Variants in MYCBPAP observed in about 807,000 individuals in gnomAD.
MYCBPAP encodes MYCBP associated protein, also known as MYCBP-associated protein.
A neutral mutation model predicts 106.1 loss-of-function variants in MYCBPAP; 60 were observed. The observed-to-expected ratio is 0.57, with a 90% CI of 0.46 to 0.70. MYCBPAP has a LOEUF of 0.70. MYCBPAP is among the 30% of genes least tolerant of loss of function. The pLI is 0.00. For missense variants in MYCBPAP, 1,064 were observed against 1,169.3 expected (o/e 0.91, Z 1.31); for synonymous variants, 407 against 440.6 (o/e 0.92, Z 0.95).
Position 50,528,789 on chromosome 17 carries a change from G to A in MYCBPAP, c.2502G>A (p.Leu834=), listed in dbSNP as rs1384849276. Residue 834 remains leucine (L), a synonymous_variant, in exon 17 of 19, where the codon CTG becomes CTA. Transcript: ENST00000323776. ...GAGCAGCCCAGGAAAAGAAGCAACT[G>A]GGGATCAAAGACAAAGAAGACAAGA... ...RKGAAQEKKQ[L]GIKDKEDKKG... is the part of the protein sequence containing the mutation. 1 of 1,614,098 alleles carries A rather than the reference G, an allele frequency of 6.2e-7. No individual in the cohort carries two copies. Among genetic ancestry groups the A allele is most frequent in the East Asian group, 2.2e-5 (1 of 44,876 alleles).
intron 4 of MYCBPAP, 117 bp from the exon 5 acceptor site, chr17:50,518,424 A>G: frequency 2.4e-6 from 2 of 844,574 alleles, no homozygotes; most frequent in Non-Finnish European, 1.8e-6. Context: ...AGTCCTGAAG[A>G]GGAGGGACTC....
intron 1 of MYCBPAP, among the ~76,000 whole-genome samples, chr17:50,514,642 C>G (rs1193293742): frequency 1.3e-5 from 2 of 151,956 alleles, no homozygotes; most frequent in African/African-American, 4.8e-5. Context: ...CATTCATACA[C>G]TCATCCTCAG....
intron 2 of MYCBPAP, 99 bp downstream of exon 2, chr17:50,516,796 G>A (rs998975934): frequency 1.5e-5 from 21 of 1,356,344 alleles, no homozygotes; most frequent in South Asian, 9.3e-5. Flanking sequence ...CATGGGGAGT[G>A]TCTAACTCCA....
Position 50,529,825 on chromosome 17 carries a change from G to GT in MYCBPAP, c.2724+638dup, listed in dbSNP as rs143906933. 1.2e-3 allele frequency: 552 copies of GT among 456,658 alleles called. 7 individuals carry two copies. The East Asian group carries it at 0.023, about 19-fold the overall frequency. 28.3% of individuals were successfully genotyped at this position (456,658 alleles called of 1,614,324 possible). On this transcript the variant is annotated intron_variant, in intron 18 of 18. Coordinates refer to ENST00000323776, the MANE Select transcript of MYCBPAP (RefSeq NM_032133.6). ...CATGCAGGGTGCATTCCCATCAACT[G>GT]TAAGAGTTTGAAGGACTAGAGAGAC...
At chr17:50,526,394 C>G in intron 14 of MYCBPAP, 127 bp downstream of exon 14, 1 of 754,204 alleles carries the variant, frequency 1.3e-6, no homozygotes, top group Non-Finnish European at 2.0e-6. Flanking sequence ...AGAAAGTGAT[C>G]TCTTGGGTTA....
At position 50,516,591 on chromosome 17, in the gene MYCBPAP, C is replaced by A. The variant is rs1597827111; in HGVS notation, c.98C>A (p.Pro33His). The A allele has an allele frequency of 6.2e-7, 1 of 1,614,102 alleles. No individual in the cohort carries two copies. The highest frequency in any genetic ancestry group is 8.5e-7 in the Non-Finnish European group (1 of 1,180,012). Reference sequence around the variant, plus strand: ...TCAGAAAAGAAGCGGGCAAAGGGACCTGAACAACCCACACCCACAATTCAG... The same window carrying A: ...TCAGAAAAGAAGCGGGCAAAGGGACATGAACAACCCACACCCACAATTCAG... Reference protein sequence around the residue: ...NVKEKKRAKGPEQPTPTIQEE... With the variant: ...NVKEKKRAKGHEQPTPTIQEE... Residue 33 changes from proline (P) to histidine (H), a missense_variant, in exon 2 of 19, where the codon CCT (proline) becomes CAT (histidine). Transcript: ENST00000323776.
chr17:50,526,766 A>G (rs913974794), intron 14 of MYCBPAP, among the ~76,000 whole-genome samples: 1 of 152,312 alleles, frequency 6.6e-6, no homozygotes, highest in East Asian at 1.9e-4. Context: ...GTATTTTTGT[A>G]GAGACGGGGT....
intron 1 of MYCBPAP, among the ~76,000 whole-genome samples, chr17:50,513,983 C>A (rs2033952505): frequency 6.6e-6 from 1 of 152,222 alleles, no homozygotes; most frequent in Non-Finnish European, 1.5e-5. Context: ...CAGATACTTC[C>A]AAACCTCTGC....
intron 10 of MYCBPAP, chr17:50,522,522 C>G (rs2034294548): frequency 6.4e-6 from 1 of 155,420 alleles, no homozygotes; most frequent in Admixed American, 6.2e-5. Context: ...ATGGTGAAAC[C>G]CCATCTCTAC....
intron 1 of MYCBPAP, 55 bp downstream of exon 1, chr17:50,508,805 C>T: frequency 6.7e-7 from 1 of 1,492,394 alleles, no homozygotes; most frequent in Non-Finnish European, 9.2e-7. Context: ...AAGCGGTCCC[C>T]GGAAAGAGTT....
upstream of MYCBPAP, chr17:50,508,435 C>A: frequency 9.4e-7 from 1 of 1,066,440 alleles, no homozygotes; most frequent in South Asian, 1.6e-5. Context: ...CAGGCCGGGC[C>A]CGCAGGGCTT....
upstream of MYCBPAP, chr17:50,508,257 G>T: frequency 3.3e-6 from 1 of 302,570 alleles, no homozygotes; most frequent in Non-Finnish European, 6.0e-6. Flanking sequence ...CCCGCCCCCC[G>T]TGGCCTAGCA....
At chr17:50,508,898 C>T in intron 1 of MYCBPAP, 148 bp downstream of exon 1, 1 of 795,848 alleles carries the variant, frequency 1.3e-6, no homozygotes, top group Non-Finnish European at 2.2e-6. Flanking sequence ...GCATAGGACC[C>T]TTAGGGATGG....
chr17:50,519,951 T>G, intron 7 of MYCBPAP, 164 bp downstream of exon 7: 1 of 708,918 alleles, frequency 1.4e-6, no homozygotes, highest in Non-Finnish European at 2.2e-6. Flanking sequence ...GAAGTCCGGC[T>G]CCCTCTTCTT....
At chr17:50,527,431 T>A (rs2034497878) in intron 15 of MYCBPAP, 23 bp downstream of exon 15, 1 of 1,613,024 alleles carries the variant, frequency 6.2e-7, no homozygotes, top group Non-Finnish European at 8.5e-7. Context: ...CCAGGAGAGC[T>A]GCCCCATCTC....
In MYCBPAP at chr17:50,521,205, G is replaced by A. The variant is rs1157821484; in HGVS notation, c.1012G>A (p.Glu338Lys). 1.2e-6 allele frequency: 2 copies of A among 1,613,084 alleles called. No individual in the cohort carries two copies. The highest frequency in any genetic ancestry group is 1.7e-5 in the Admixed American group (1 of 59,884). Residue 338 changes from glutamate to lysine, a missense_variant, in exon 8 of 19, where the codon GAG (glutamate) becomes AAG (lysine). Physicochemically the swap from Glu to Lys is moderately conservative, Grantham distance 56. Transcript: ENST00000323776. ...RRKELQRIME[E>K]LDFSQQDIDG... ...CAAGGAGCTGCAGAGAATCATGGAAGAGCTGGATTTCAGCCAGCAGGTTGG... is the reference window on the plus strand; with the variant it reads ...CAAGGAGCTGCAGAGAATCATGGAAAAGCTGGATTTCAGCCAGCAGGTTGG...
chr17:50,525,958 G>C lies in MYCBPAP; in HGVS notation c.1860G>C (p.Glu620Asp), dbSNP rs776163398. The C allele has an allele frequency of 6.2e-7, 1 of 1,613,796 alleles. No individual in the cohort carries two copies. The highest frequency in any genetic ancestry group is 1.7e-5 in the Admixed American group (1 of 60,018). Residue 620 changes from glutamate (E) to aspartate (D), a missense_variant, in exon 14 of 19, where the codon GAG becomes GAC. Physicochemically the swap from Glu to Asp is conservative, Grantham distance 45. Coordinates refer to ENST00000323776, the MANE Select transcript of MYCBPAP (RefSeq NM_032133.6). The part of the protein sequence containing the change: ...RQYMTLPAKA[E>D]EARPGDKEHV... ...ACATGACCCTGCCCGCCAAGGCTGA[G>C]GAGGCCAGGCCAGGGGACAAGGAGC...
In MYCBPAP at chr17:50,528,688, C is replaced by T; in HGVS notation, c.2408-7C>T. On this transcript the variant is annotated splice_polypyrimidine_tract_variant and splice_region_variant and intron_variant, in intron 16 of 18. Transcript: ENST00000323776. ...CTGCCATATTTTCTTCCACCCACCTCCCTTAGATCAAAAATCACCTCCTAT... is the reference window on the plus strand; with the variant it reads ...CTGCCATATTTTCTTCCACCCACCTTCCTTAGATCAAAAATCACCTCCTAT... 1 of 1,613,294 alleles carries T rather than the reference C, an allele frequency of 6.2e-7. No homozygotes were observed. The highest frequency in any genetic ancestry group is 8.5e-7 in the Non-Finnish European group (1 of 1,179,646).
At chr17:50,522,848 A>G in intron 10 of MYCBPAP, 91 bp from the exon 11 acceptor site, 1 of 1,345,290 alleles carries the variant, frequency 7.4e-7, no homozygotes, top group Non-Finnish European at 1.0e-6. Context: ...TTGCAGTGCT[A>G]AAGCCAGAAA....
Sources: gnomAD v4.1 joint callset for allele counts (sites outside exome capture counted in the v4.1 genomes callset) on GRCh38, gnomAD v4.1.1 for gene constraint, MANE v1.5 for transcripts, NCBI Gene and HGNC (gene_info 2026-07-23, HGNC 2026-07-21) for gene names.